Variants in DYNC2H1 observed in about 807,000 individuals in gnomAD.
DYNC2H1 encodes the protein dynein cytoplasmic 2 heavy chain 1.
A neutral mutation model predicts 570.0 loss-of-function variants in DYNC2H1; 410 were observed. The observed-to-expected ratio is 0.72, with a 90% CI of 0.66 to 0.78. The LOEUF (loss-of-function observed/expected upper bound fraction) is 0.78. DYNC2H1 is among the 30% of genes least tolerant of loss of function. The pLI is 0.00. For missense variants in DYNC2H1, 4,865 were observed against 5,046.4 expected (o/e 0.96, Z 1.09); for synonymous variants, 1,688 against 1,677.6 (o/e 1.01, Z -0.15).
chr11:103,387,601 C>T (rs1941943755), intron 83 of DYNC2H1, among the ~76,000 whole-genome samples: 1 of 152,062 alleles, frequency 6.6e-6, no homozygotes, highest in Non-Finnish European at 1.5e-5. Context: ...AATGGTATTG[C>T]CTAGGTTTTC....
chr11:103,306,865 C>T (rs1314405196), intron 77 of DYNC2H1, among the ~76,000 whole-genome samples: 1 of 152,064 alleles, frequency 6.6e-6, no homozygotes, highest in Non-Finnish European at 1.5e-5. Flanking sequence ...GTTCTGGTTA[C>T]CTACAGAATT....
In DYNC2H1 at chr11:103,243,280, GATAGATAGATAGATAGATAGATAGATAA is replaced by G. The variant is rs1490224748; in HGVS notation, c.9820-407_9820-380del. On this transcript the variant is annotated intron_variant, in intron 63 of 88. Transcript: ENST00000375735. This position sits in a 1 kb window ranked among gnomAD's most constrained non-coding sequence, Gnocchi z 4.8. ...ATATAGATAGATAGATAGATAGATA[GATAGATAGATAGATAGATAGATAGATAA>G]ATAGAGAATAATTTGACTGTGTATT... Among the ~76,000 whole-genome samples the G allele has an allele frequency of 7.3e-6, 1 of 137,678 alleles. No homozygotes were observed. Among genetic ancestry groups the G allele is most frequent in the Non-Finnish European group, 1.6e-5 (1 of 63,378 alleles). The allele number at this position is 137,678 out of a possible 152,430, so 90.3% of individuals were successfully genotyped here. A position where few individuals can be genotyped will look rare whatever the true frequency, so the allele number is the denominator to read the frequency against.
intron 29 of DYNC2H1, among the ~76,000 whole-genome samples, chr11:103,162,304 C>G (rs779757361): frequency 9.2e-5 from 14 of 151,992 alleles, no homozygotes; most frequent in East Asian, 1.9e-4. Context: ...AAAGCTGGAA[C>G]ACAGAGTTAT....
intron 83 of DYNC2H1, among the ~76,000 whole-genome samples, chr11:103,374,345 C>T (rs576366035): frequency 1.3e-5 from 2 of 152,252 alleles, no homozygotes; most frequent in Admixed American, 1.3e-4. Flanking sequence ...GGCACTTATT[C>T]TCTCCCTTTC....
chr11:103,344,408 G>A (rs1028261551), intron 82 of DYNC2H1, among the ~76,000 whole-genome samples: 2 of 152,194 alleles, frequency 1.3e-5, no homozygotes, highest in African/African-American at 4.8e-5. Context: ...AGATCCTCCA[G>A]GCTCAGGCCT....
At chr11:103,431,103 C>A (rs1354599187) in intron 84 of DYNC2H1, among the ~76,000 whole-genome samples, 1 of 151,782 alleles carries the variant, frequency 6.6e-6, no homozygotes, top group African/African-American at 2.4e-5. Flanking sequence ...CAAATGAACA[C>A]CCTGGTTACA....
At position 103,277,559 on chromosome 11, in the gene DYNC2H1, T is replaced by C. The variant is rs186840110; in HGVS notation, c.10696-2789T>C. On this transcript the variant is annotated intron_variant, in intron 70 of 88. Transcript: ENST00000375735. The surrounding 1 kb of genome is among the most constrained non-coding windows in gnomAD (Gnocchi z 4.3). Reference sequence around the variant, plus strand: ...TTCTTAACATTTTAGTCTTCTTTTCTGATGTGTCTAATGACCCTTGCTTAT... The same window carrying C: ...TTCTTAACATTTTAGTCTTCTTTTCCGATGTGTCTAATGACCCTTGCTTAT... 1.7e-3 allele frequency among the ~76,000 whole-genome samples: 261 copies of C among 152,298 alleles called. 2 individuals are homozygous for C. The highest frequency in any genetic ancestry group is 2.9e-3 in the East Asian group (15 of 5,178).
At position 103,299,400 on chromosome 11, in the gene DYNC2H1, G is replaced by A. The variant is rs577374673; in HGVS notation, c.11096-3693G>A. Among the ~76,000 whole-genome samples, 1 of 152,200 alleles carries A rather than the reference G, an allele frequency of 6.6e-6. No individual in the cohort carries two copies. Among genetic ancestry groups the A allele is most frequent in the African/African-American group, 2.4e-5 (1 of 41,568 alleles). ...ATCTTCTGCAGGTCAGAAACCTGAT[G>A]GGCTCACCAGGTTTCTTTGCTCCAA... On this transcript the variant is annotated intron_variant, in intron 75 of 88. Transcript: ENST00000375735. This position sits in a 1 kb window ranked among gnomAD's most constrained non-coding sequence, Gnocchi z 4.5.
intron 83 of DYNC2H1, among the ~76,000 whole-genome samples, chr11:103,381,433 ATTTAT>A (rs145649070): frequency 0.053 from 8,058 of 151,996 alleles, 256 homozygotes; most frequent in Non-Finnish European, 0.076. Context: ...AATATCTTTT[ATTTAT>A]TTTATTTTAT....
At chr11:103,321,824 A>G (rs1938218725) in intron 81 of DYNC2H1, among the ~76,000 whole-genome samples, 1 of 152,170 alleles carries the variant, frequency 6.6e-6, no homozygotes, top group East Asian at 1.9e-4. Context: ...TTCAATTTTG[A>G]TTTATTTTGC....
chr11:103,223,610 T>C (rs1016486828), intron 59 of DYNC2H1, among the ~76,000 whole-genome samples: 3 of 151,240 alleles, frequency 2.0e-5, no homozygotes, highest in East Asian at 1.9e-4. Flanking sequence ...GGTCTTGAAC[T>C]CCTGACCTCA....
intron 83 of DYNC2H1, among the ~76,000 whole-genome samples, chr11:103,375,937 G>C (rs1383433606): frequency 1.3e-5 from 2 of 152,136 alleles, no homozygotes; most frequent in East Asian, 1.9e-4. Flanking sequence ...GAATGATATG[G>C]TTTGGCAGTG....
chr11:103,472,566 C>G lies in DYNC2H1; in HGVS notation c.12765+3861C>G, dbSNP rs1565629839. On this transcript the variant is annotated intron_variant, in intron 88 of 88. Coordinates refer to ENST00000375735, the MANE Select transcript of DYNC2H1 (RefSeq NM_001377.3). The surrounding 1 kb of genome is among the most constrained non-coding windows in gnomAD (Gnocchi z 4.1). Reference sequence around the variant, plus strand: ...ATTTTCTATTTTTCTGATGAAAGGACTGAGAATCAGGTAAGTTAAATGACT... The same window carrying G: ...ATTTTCTATTTTTCTGATGAAAGGAGTGAGAATCAGGTAAGTTAAATGACT... 6.6e-6 allele frequency among the ~76,000 whole-genome samples: 1 copy of G among 152,006 alleles called. No homozygotes were observed. The highest frequency in any genetic ancestry group is 1.5e-5 in the Non-Finnish European group (1 of 68,022).
chr11:103,230,643 GA>G (rs1320340682), intron 59 of DYNC2H1, among the ~76,000 whole-genome samples: 2 of 152,090 alleles, frequency 1.3e-5, no homozygotes, highest in African/African-American at 4.8e-5. Context: ...TACATTTTCT[GA>G]ACATTTTAGG....
intron 63 of DYNC2H1, among the ~76,000 whole-genome samples, chr11:103,242,185 A>C (rs1864447632): frequency 6.6e-6 from 1 of 152,132 alleles, no homozygotes; most frequent in Admixed American, 6.6e-5. Flanking sequence ...ATACACATAC[A>C]TACTATGATA....
At chr11:103,220,477 A>G in intron 56 of DYNC2H1, 146 bp from the exon 57 acceptor site, 1 of 812,640 alleles carries the variant, frequency 1.2e-6, no homozygotes, top group Non-Finnish European at 1.8e-6. Context: ...ACCTTGTATG[A>G]TTGAAAGCAT....
intron 83 of DYNC2H1, among the ~76,000 whole-genome samples, chr11:103,370,556 G>C (rs1941104471): frequency 6.6e-6 from 1 of 152,176 alleles, no homozygotes; most frequent in Admixed American, 6.5e-5. Flanking sequence ...ACACAGTACA[G>C]TACTAATGGT....
intron 87 of DYNC2H1, among the ~76,000 whole-genome samples, chr11:103,468,192 C>T (rs865860653): frequency 2.0e-5 from 3 of 151,018 alleles, no homozygotes; most frequent in African/African-American, 7.3e-5. Flanking sequence ...TTATTCTATT[C>T]CTTAAAAGGT....
intron 88 of DYNC2H1, among the ~76,000 whole-genome samples, chr11:103,474,592 A>G (rs948728666): frequency 6.6e-6 from 1 of 152,134 alleles, no homozygotes; most frequent in African/African-American, 2.4e-5. Context: ...CTGCAATTTC[A>G]GTTACCCACA....
Sources: gnomAD v4.1 joint callset for allele counts (sites outside exome capture counted in the v4.1 genomes callset) on GRCh38, gnomAD v4.1.1 for gene constraint, Gnocchi (gnomAD v3.1) non-coding constraint, MANE v1.5 for transcripts, NCBI Gene and HGNC (gene_info 2026-07-23, HGNC 2026-07-21) for gene names.